The following TMEM114 variants were observed in gnomAD, a reference collection of about 807,000 sequenced individuals.
TMEM114 encodes claudin-26.
In TMEM114, 6 loss-of-function variants were observed where a neutral mutation model predicts 6.2. The observed-to-expected ratio is 0.97, with a 90% CI of 0.53 to 1.91. The LOEUF (loss-of-function observed/expected upper bound fraction) is 1.91, where lower values mean the gene tolerates loss of function less well. Ranked by LOEUF, TMEM114 falls within the 40% of genes most tolerant of loss-of-function variation. The pLI, the probability that TMEM114 is intolerant of heterozygous loss-of-function variation, is 0.01. For synonymous variants in TMEM114, 104 were observed against 73.0 expected (o/e 1.42, Z -2.16); for missense variants, 218 against 158.3 (o/e 1.38, Z -2.02).
chr16:8,526,968 G>A, the TMEM114 span, among the ~76,000 whole-genome samples: 1 of 152,196 alleles, frequency 6.6e-6, no homozygotes, highest in Non-Finnish European at 1.5e-5. Context: ...AGCACTTTTG[G>A]AGGCCAAGAC....
At chr16:8,557,276 A>G (rs1901045272) in intron 2 of TMEM114, among the ~76,000 whole-genome samples, 1 of 152,136 alleles carries the variant, frequency 6.6e-6, no homozygotes, top group Non-Finnish European at 1.5e-5. Flanking sequence ...CACCTTGCCC[A>G]TGGGAGCACT....
At chr16:8,586,615 T>C (rs997233912) in intron 2 of TMEM114, among the ~76,000 whole-genome samples, 1 of 151,906 alleles carries the variant, frequency 6.6e-6, no homozygotes, top group Admixed American at 6.6e-5. Flanking sequence ...GTTCAAGCGA[T>C]TCTCATAACT....
intron 2 of TMEM114, among the ~76,000 whole-genome samples, chr16:8,586,869 T>G (rs1016905388): frequency 6.6e-6 from 1 of 152,134 alleles, no homozygotes; most frequent in Non-Finnish European, 1.5e-5. Flanking sequence ...CCTTGTGCAG[T>G]TTGGGGCTCA....
chr16:8,587,468 C>A (rs1393147495), intron 2 of TMEM114, among the ~76,000 whole-genome samples: 3 of 152,136 alleles, frequency 2.0e-5, no homozygotes, highest in African/African-American at 7.2e-5. Context: ...TAGCAGTTAG[C>A]CAAGTCAAGT....
At chr16:8,569,330 G>T (rs908367541), downstream of TMEM114, among the ~76,000 whole-genome samples, 6 of 152,094 alleles carry the variant, frequency 3.9e-5, no homozygotes, top group Non-Finnish European at 8.8e-5. Context: ...AGAGCAAAAG[G>T]AACTCCAGGC....
At chr16:8,587,904 C>G (rs1376760998) in intron 2 of TMEM114, among the ~76,000 whole-genome samples, 2 of 151,780 alleles carry the variant, frequency 1.3e-5, no homozygotes, top group Non-Finnish European at 2.9e-5. Context: ...AATCCCAAGA[C>G]TTTGGGAGGC....
At chr16:8,577,842 C>A (rs1214692221) in intron 2 of TMEM114, among the ~76,000 whole-genome samples, 1 of 152,198 alleles carries the variant, frequency 6.6e-6, no homozygotes, top group African/African-American at 2.4e-5. Context: ...CCACCCTGGC[C>A]TCCCAAAGTG....
At chr16:8,561,873 T>A (rs1596477681) in intron 2 of TMEM114, among the ~76,000 whole-genome samples, 1 of 105,274 alleles carries the variant, frequency 9.5e-6, no homozygotes, top group East Asian at 2.4e-4. Flanking sequence ...AGGGAATGAG[T>A]GAGTGAATGA....
chr16:8,547,013 C>G (rs1341379264), intron 2 of TMEM114, among the ~76,000 whole-genome samples: 5 of 152,186 alleles, frequency 3.3e-5, no homozygotes, highest in Non-Finnish European at 5.9e-5. Flanking sequence ...ACATAAAATA[C>G]TTGTATGTAC....
chr16:8,571,771 G>A (rs1567206974), intron 3 of TMEM114, among the ~76,000 whole-genome samples: 1 of 152,174 alleles, frequency 6.6e-6, no homozygotes, highest in Non-Finnish European at 1.5e-5. Flanking sequence ...GCTGGAGCGA[G>A]GGTCTCCTGC....
intron 2 of TMEM114, among the ~76,000 whole-genome samples, chr16:8,587,067 C>A (rs886450687): frequency 6.6e-6 from 1 of 152,078 alleles, no homozygotes; most frequent in African/African-American, 2.4e-5. Context: ...TTGAAATTGG[C>A]CATGGTGGAA....
In TMEM114 at chr16:8,569,732, G is replaced by A. The variant is rs756225594; in HGVS notation, c.*41C>T. 9 of 1,519,116 alleles carry A rather than the reference G, an allele frequency of 5.9e-6. No individual in the cohort carries two copies. In the South Asian group the frequency reaches 9.8e-5, roughly 16 times the overall value. 94.1% of individuals were successfully genotyped at this position (1,519,116 alleles called of 1,614,324 possible). A position where few individuals can be genotyped will look rare whatever the true frequency, so the allele number is the denominator to read the frequency against. On this transcript the variant is annotated 3_prime_UTR_variant, in exon 4 of 4. Transcript: ENST00000620492. ...TGGAGATCGGTCGGTGAAGCTCCGG[G>A]GCCAAGCCCCTCCCTCCCCTCCACG...
chr16:8,570,903 G>C (rs529880690), intron 3 of TMEM114, among the ~76,000 whole-genome samples: 52 of 152,310 alleles, frequency 3.4e-4, no homozygotes, highest in African/African-American at 1.2e-3. Context: ...AGCTCCCGAT[G>C]CTCGGCATGG....
rs1210171851 is a variant in TMEM114, at chr16:8,562,920, ATGAG to A, written n.213-25098_213-25095del. ...AGTGAATGAGTGAGTGAATGAGTAA[ATGAG>A]TGAGTGAGTGAATTAGTGAGTAAAT... On this transcript the variant is annotated intron_variant and non_coding_transcript_variant, in intron 2 of 2. Coordinates refer to the TMEM114 transcript ENST00000623677. Among the ~76,000 whole-genome samples, 115 of 102,930 alleles carry A rather than the reference ATGAG, an allele frequency of 1.1e-3. 3 individuals are homozygous for A. The highest frequency in any genetic ancestry group is 4.1e-3 in the African/African-American group (111 of 26,912). The allele number at this position is 102,930 out of a possible 152,430, so 67.5% of individuals were successfully genotyped here.
chr16:8,557,291 C>G (rs1294451590), intron 2 of TMEM114, among the ~76,000 whole-genome samples: 1 of 152,126 alleles, frequency 6.6e-6, no homozygotes, highest in Non-Finnish European at 1.5e-5. Flanking sequence ...AGCACTAGCC[C>G]TGGGCCCAGG....
intron 2 of TMEM114, among the ~76,000 whole-genome samples, chr16:8,549,247 C>G (rs1218128705): frequency 6.9e-6 from 1 of 144,726 alleles, no homozygotes; most frequent in African/African-American, 2.6e-5. Flanking sequence ...CACCTATAAT[C>G]CTAGCACTTT....
At chr16:8,539,460 C>T (rs1334759532) in intron 2 of TMEM114, among the ~76,000 whole-genome samples, 1 of 152,198 alleles carries the variant, frequency 6.6e-6, no homozygotes, top group Non-Finnish European at 1.5e-5. Flanking sequence ...CAGAGGAGGG[C>T]TCTGCCTCCT....
chr16:8,578,981 A>AAAAAT (rs1002871668), intron 2 of TMEM114, among the ~76,000 whole-genome samples: 8 of 152,186 alleles, frequency 5.3e-5, no homozygotes, highest in East Asian at 1.9e-4. Flanking sequence ...TCCATCTCAA[A>AAAAAT]AAAATAAAAT....
At position 8,578,165 on chromosome 16, in the gene TMEM114, G is replaced by T. The variant is rs954702352; in HGVS notation, c.302-5941C>A. ...TGGGGGGGCCTTGTTCTTAGATCAG[G>T]TGGTGGTATGTATTTCCTGTGGCCA... On this transcript the variant is annotated intron_variant, in intron 2 of 3. Transcript: ENST00000620492. Among the ~76,000 whole-genome samples the T allele has an allele frequency of 3.3e-5, 5 of 152,286 alleles. No homozygotes were observed. The East Asian group carries it at 9.7e-4, about 29-fold the overall frequency.
Sources: allele counts gnomAD v4.1 joint callset (sites outside exome capture counted in the v4.1 genomes callset), GRCh38; gene constraint gnomAD v4.1.1; transcripts MANE v1.5; gene names NCBI Gene and HGNC (gene_info 2026-07-23, HGNC 2026-07-21).